Variants in TSHR observed in about 807,000 individuals in gnomAD.
The protein encoded by TSHR is thyrotropin receptor.
TSHR carries 51 observed loss-of-function variants against 64.1 expected under a neutral mutation model. The observed-to-expected ratio is 0.80, with a 90% CI of 0.64 to 1.01. The LOEUF is 1.01. Ranked by LOEUF, TSHR falls within the 50% of genes least tolerant of loss-of-function variation. The pLI, the probability that TSHR is intolerant of heterozygous loss-of-function variation, is 0.00. For missense variants in TSHR, 877 were observed against 942.8 expected (o/e 0.93, Z 0.91); for synonymous variants, 361 against 361.9 (o/e 1.00, Z 0.03).
intron 1 of TSHR, among the ~76,000 whole-genome samples, chr14:81,060,997 T>A (rs550860111): frequency 1.3e-5 from 2 of 152,014 alleles, no homozygotes; most frequent in South Asian, 4.1e-4. Context: ...TTCTGAAGAG[T>A]CTTCAAAAAA....
chr14:81,064,935 T>A (rs1327959645), intron 2 of TSHR, among the ~76,000 whole-genome samples: 1 of 152,150 alleles, frequency 6.6e-6, no homozygotes, highest in Non-Finnish European at 1.5e-5. Context: ...TGGTCACTTT[T>A]TACATCATAA....
In TSHR at chr14:81,028,715, G is replaced by T. The variant is rs186972626; in HGVS notation, c.171-33433G>T. ...CAACACTTTTTGTATACAACATCTT[G>T]CACACAATAAAAAGTAACCAGACAA... On this transcript the variant is annotated intron_variant, in intron 1 of 9. Coordinates refer to ENST00000298171, the MANE Select transcript of TSHR (RefSeq NM_000369.5). Among the ~76,000 whole-genome samples the T allele has an allele frequency of 4.4e-3, 667 of 152,078 alleles. 8 individuals carry two copies. The highest frequency in any genetic ancestry group is 0.015 in the African/African-American group (643 of 41,508).
At chr14:81,109,448 CA>C (rs1270738252) in intron 8 of TSHR, among the ~76,000 whole-genome samples, 1 of 151,986 alleles carries the variant, frequency 6.6e-6, no homozygotes, top group African/African-American at 2.4e-5. Flanking sequence ...AACAAAAAAA[CA>C]AAGTGGAACA....
Position 81,103,334 on chromosome 14 carries a change from G to A in TSHR, c.615-5041G>A, listed in dbSNP as rs1017141. On this transcript the variant is annotated intron_variant, in intron 7 of 9. Coordinates refer to ENST00000298171, the MANE Select transcript of TSHR (RefSeq NM_000369.5). The surrounding 1 kb of genome is among the most constrained non-coding windows in gnomAD (Gnocchi z 4.1). ...TTTCACATGGCATGTTAGCAATTTG[G>A]TAATTTCTCCAGAAGTTTGTCCAGG... The A allele has an allele frequency of 0.82, 809,848 of 985,262 alleles. 333,302 individuals are homozygous for A. The highest frequency in any genetic ancestry group is 0.92 in the African/African-American group (52,985 of 57,320). 61.0% of individuals were successfully genotyped at this position (985,262 alleles called of 1,614,324 possible). A position where few individuals can be genotyped will look rare whatever the true frequency, so the allele number is the denominator to read the frequency against.
chr14:81,098,149 C>T (rs1889336115), intron 7 of TSHR, among the ~76,000 whole-genome samples: 2 of 152,178 alleles, frequency 1.3e-5, no homozygotes, highest in Admixed American at 6.5e-5. Flanking sequence ...GTGCTCCCTG[C>T]CCACACTGAG....
intron 1 of TSHR, among the ~76,000 whole-genome samples, chr14:81,015,050 T>C (rs1166795110): frequency 1.3e-5 from 2 of 152,192 alleles, no homozygotes; most frequent in Admixed American, 1.3e-4. Flanking sequence ...AGAAATGGTC[T>C]GATTCTGAGT....
At chr14:81,113,608 C>T (rs1308889900) in intron 8 of TSHR, among the ~76,000 whole-genome samples, 2 of 151,948 alleles carry the variant, frequency 1.3e-5, no homozygotes, top group African/African-American at 2.4e-5. Context: ...GACAGTACTT[C>T]TGAGAAAATA....
intron 1 of TSHR, chr14:80,958,126 A>G (rs1886803339): frequency 2.0e-5 from 3 of 152,094 alleles, no homozygotes; most frequent in South Asian, 2.1e-4. Flanking sequence ...GAAGAAAAGC[A>G]TATGAGAGAA....
chr14:81,096,665 C>T lies in TSHR; in HGVS notation c.572C>T (p.Ser191Leu). The T allele has an allele frequency of 1.2e-6, 2 of 1,613,902 alleles. No homozygotes were observed. Among genetic ancestry groups the T allele is most frequent in the Non-Finnish European group, 1.7e-6 (2 of 1,179,826 alleles). Residue 191 changes from serine (S) to leucine (L), a missense_variant, in exon 7 of 10, where the codon TCA becomes TTA. Transcript: ENST00000298171. ...TLKLYNNGFTSVQGYAFNGTK... is the reference protein window; with the variant it reads ...TLKLYNNGFTLVQGYAFNGTK... ...AAGCTGTACAACAATGGCTTTACTT[C>T]AGTCCAAGGATATGCTTTCAATGGG... is the stretch of plus-strand genomic sequence containing the variant.
chr14:81,136,770 A>G (rs1055844158), intron 8 of TSHR, among the ~76,000 whole-genome samples: 2 of 152,162 alleles, frequency 1.3e-5, no homozygotes, highest in African/African-American at 4.8e-5. Flanking sequence ...TTGCCTGCCC[A>G]AGCACCCTCC....
intron 1 of TSHR, among the ~76,000 whole-genome samples, chr14:80,978,376 T>A (rs1887999982): frequency 6.6e-6 from 1 of 152,156 alleles, no homozygotes. Flanking sequence ...ACCAACTGTA[T>A]CAGTTCAGTT....
intron 3 of TSHR, among the ~76,000 whole-genome samples, chr14:81,081,080 G>T (rs1282420971): frequency 6.6e-6 from 1 of 152,178 alleles, no homozygotes; most frequent in Non-Finnish European, 1.5e-5. Context: ...GGAGACTGAG[G>T]TGGGAGGATT....
intron 8 of TSHR, among the ~76,000 whole-genome samples, chr14:81,129,077 A>G (rs974558356): frequency 6.6e-6 from 1 of 152,078 alleles, no homozygotes; most frequent in African/African-American, 2.4e-5. Context: ...CACATGGATT[A>G]TCTTTCCTAT....
chr14:81,110,021 A>C (rs1398054922), intron 8 of TSHR, among the ~76,000 whole-genome samples: 1 of 152,254 alleles, frequency 6.6e-6, no homozygotes, highest in East Asian at 1.9e-4. Context: ...GCTTTTTCAA[A>C]GAAATGTATG....
intron 1 of TSHR, chr14:81,003,516 C>A: frequency 4.5e-6 from 1 of 222,904 alleles, no homozygotes. Context: ...TACTTGGTGG[C>A]TTTTCATATA....
intron 1 of TSHR, among the ~76,000 whole-genome samples, chr14:80,989,744 G>C (rs1055244594): frequency 2.0e-5 from 3 of 152,102 alleles, no homozygotes; most frequent in Non-Finnish European, 4.4e-5. Flanking sequence ...TCGGATTTTA[G>C]TTGTGGAAGA....
intron 1 of TSHR, among the ~76,000 whole-genome samples, chr14:81,042,139 A>T (rs1884951967): frequency 6.6e-6 from 1 of 152,340 alleles, no homozygotes; most frequent in East Asian, 1.9e-4. Context: ...AATACCAAAA[A>T]ATGACAAATG....
intron 1 of TSHR, among the ~76,000 whole-genome samples, chr14:81,010,075 C>A (rs1889825175): frequency 6.6e-6 from 1 of 152,166 alleles, no homozygotes; most frequent in African/African-American, 2.4e-5. Context: ...AAGTATTCTT[C>A]TTGCTCTCAT....
At chr14:81,014,854 G>A (rs1461336212) in intron 1 of TSHR, among the ~76,000 whole-genome samples, 2 of 152,184 alleles carry the variant, frequency 1.3e-5, no homozygotes, top group African/African-American at 4.8e-5. Context: ...CAACTGTAAT[G>A]GCAGTGAGAA....
Sources: allele counts gnomAD v4.1 joint callset (sites outside exome capture counted in the v4.1 genomes callset), GRCh38; gene constraint gnomAD v4.1.1; non-coding constraint Gnocchi (gnomAD v3.1); transcripts MANE v1.5; gene names NCBI Gene and HGNC (gene_info 2026-07-23, HGNC 2026-07-21).